CNBD1: variants seen among roughly 807,000 people sequenced by gnomAD.
CNBD1 encodes the protein cyclic nucleotide-binding domain-containing protein 1.
A neutral mutation model predicts 54.4 loss-of-function variants in CNBD1; 71 were observed. The ratio of observed to expected loss-of-function variants is 1.30; its 90% CI spans 1.08 to 1.59. CNBD1 has a LOEUF of 1.59. Among genes scored for constraint, CNBD1 ranks in the 40% most tolerant of loss-of-function variants. The probability of loss-of-function intolerance (pLI) is 0.00; values close to 1 mark genes in which losing one functional copy is unlikely to be tolerated. For missense variants in CNBD1, 659 were observed against 518.0 expected (o/e 1.27, Z -2.64); for synonymous variants, 182 against 170.7 (o/e 1.07, Z -0.51).
At chr8:87,281,541 GATATATATATATATATATATATATAT>G (rs57434544) in intron 6 of CNBD1, among the ~76,000 whole-genome samples, 4,085 of 95,854 alleles carry the variant, frequency 0.043, 251 homozygotes, top group South Asian at 0.089. Context: ...TCTAGGCTAA[GATATATATATATATATATATATATAT>G]ATATATATAT....
intron 6 of CNBD1, among the ~76,000 whole-genome samples, chr8:87,284,263 A>G (rs145461741): frequency 3.9e-5 from 6 of 152,120 alleles, no homozygotes; most frequent in Non-Finnish European, 8.8e-5. Context: ...ATAAATATTA[A>G]TGGTTTATAT....
intron 2 of CNBD1, among the ~76,000 whole-genome samples, chr8:87,389,398 G>C (rs1450616229): frequency 6.6e-6 from 1 of 152,058 alleles, no homozygotes; most frequent in African/African-American, 2.4e-5. Flanking sequence ...GCAACTTCAG[G>C]AAAGTCTCAG....
At chr8:87,329,128 C>T (rs1211793667) in intron 8 of CNBD1, among the ~76,000 whole-genome samples, 1 of 151,844 alleles carries the variant, frequency 6.6e-6, no homozygotes, top group Non-Finnish European at 1.5e-5. Context: ...TCTATATTCG[C>T]TCTTTTGCAT....
At chr8:87,112,593 T>A (rs1811686203) in intron 4 of CNBD1, among the ~76,000 whole-genome samples, 1 of 152,206 alleles carries the variant, frequency 6.6e-6, no homozygotes, top group Non-Finnish European at 1.5e-5. Flanking sequence ...GTCACTCAAT[T>A]GCACACTAAT....
At chr8:87,276,024 A>T (rs1483429547) in intron 6 of CNBD1, among the ~76,000 whole-genome samples, 1 of 152,008 alleles carries the variant, frequency 6.6e-6, no homozygotes, top group Non-Finnish European at 1.5e-5. Flanking sequence ...GACCTGAAGG[A>T]CAAATAAATT....
chr8:87,108,040 ATAAT>A (rs1168208479), intron 4 of CNBD1, among the ~76,000 whole-genome samples: 1 of 152,232 alleles, frequency 6.6e-6, no homozygotes, highest in Non-Finnish European at 1.5e-5. Flanking sequence ...GTACTCATAA[ATAAT>A]TAGTTTCCTA....
chr8:87,274,858 G>T (rs2130861207), intron 6 of CNBD1, among the ~76,000 whole-genome samples: 1 of 134,622 alleles, frequency 7.4e-6, no homozygotes, highest in East Asian at 2.0e-4. Flanking sequence ...CCTATGTCCT[G>T]AATGGTAATT....
rs767842599 is a variant in CNBD1 at position 87,237,880 on chromosome 8, C to G, written c.771+768C>G. ...AATGACAAGGATAAAAATGAACAAG[C>G]CTATAAAAGTATATTATTCATCTCA... On this transcript the variant is annotated intron_variant, in intron 6 of 10. Transcript: ENST00000518476. 2.6e-4 allele frequency among the ~76,000 whole-genome samples: 40 copies of G among 152,072 alleles called. 1 individual carries two copies. The highest frequency in any genetic ancestry group is 6.8e-3 in the Middle Eastern group (2 of 292).
chr8:87,115,825 TC>T (rs1399803412), intron 4 of CNBD1, among the ~76,000 whole-genome samples: 18 of 152,194 alleles, frequency 1.2e-4, no homozygotes, highest in African/African-American at 4.1e-4. Flanking sequence ...AGCTACCTCT[TC>T]CCAAGTCTCC....
At chr8:86,990,281 T>C (rs1437485781) in intron 4 of CNBD1, among the ~76,000 whole-genome samples, 2 of 152,204 alleles carry the variant, frequency 1.3e-5, no homozygotes, top group African/African-American at 2.4e-5. Context: ...TAGACCAGCG[T>C]CCTAGATAGT....
intron 4 of CNBD1, among the ~76,000 whole-genome samples, chr8:86,973,875 C>A (rs933375452): frequency 6.6e-6 from 1 of 152,050 alleles, no homozygotes; most frequent in African/African-American, 2.4e-5. Context: ...TTGCTGATTT[C>A]GGAGAGTGAC....
At chr8:86,999,316 C>T (rs2130542071) in intron 4 of CNBD1, among the ~76,000 whole-genome samples, 1 of 152,292 alleles carries the variant, frequency 6.6e-6, no homozygotes, top group Admixed American at 6.5e-5. Flanking sequence ...GTTATGGTGA[C>T]TTCCTATGTT....
intron 4 of CNBD1, among the ~76,000 whole-genome samples, chr8:87,035,923 T>A (rs1028006846): frequency 6.6e-6 from 1 of 152,144 alleles, no homozygotes; most frequent in Non-Finnish European, 1.5e-5. Flanking sequence ...AAGAATGAGA[T>A]GAAGAATTCC....
chr8:86,917,460 G>A (rs970860818), intron 3 of CNBD1, among the ~76,000 whole-genome samples: 8 of 152,116 alleles, frequency 5.3e-5, no homozygotes, highest in African/African-American at 1.9e-4. Context: ...GATCTACCTC[G>A]AGTTAGTGCC....
At chr8:87,298,237 T>G (rs969434753) in intron 8 of CNBD1, among the ~76,000 whole-genome samples, 2 of 152,046 alleles carry the variant, frequency 1.3e-5, no homozygotes, top group African/African-American at 2.4e-5. Context: ...CTATGCATGT[T>G]TATAGTTTAA....
At chr8:87,205,546 G>A (rs531130116) in intron 4 of CNBD1, among the ~76,000 whole-genome samples, 2 of 152,222 alleles carry the variant, frequency 1.3e-5, no homozygotes, top group South Asian at 2.1e-4. Context: ...ACCCTTAAGT[G>A]TTAAAGTATA....
At chr8:86,931,207 G>T (rs6991217) in intron 3 of CNBD1, among the ~76,000 whole-genome samples, 8 of 151,946 alleles carry the variant, frequency 5.3e-5, no homozygotes, top group African/African-American at 1.9e-4. Context: ...TTGAGGACAA[G>T]GTCCAGGGCA....
chr8:87,104,149 G>T (rs563637776), intron 4 of CNBD1, among the ~76,000 whole-genome samples: 1 of 152,314 alleles, frequency 6.6e-6, no homozygotes, highest in African/African-American at 2.4e-5. Flanking sequence ...AATAAACTAT[G>T]TTGAAAGGTA....
At chr8:86,896,416 TC>T (rs1210258836) in intron 2 of CNBD1, among the ~76,000 whole-genome samples, 12 of 152,252 alleles carry the variant, frequency 7.9e-5, no homozygotes, top group Middle Eastern at 3.4e-3. Context: ...TATTAATTTT[TC>T]TGATCCAGGG....
Sources: allele counts gnomAD v4.1 joint callset (sites outside exome capture counted in the v4.1 genomes callset), GRCh38; gene constraint gnomAD v4.1.1; transcripts MANE v1.5; gene names NCBI Gene and HGNC (gene_info 2026-07-23, HGNC 2026-07-21).